Variants in TENM3 observed in about 807,000 individuals in gnomAD.
The protein encoded by TENM3 is teneurin-3.
A neutral mutation model predicts 255.1 loss-of-function variants in TENM3; 63 were observed. That is an observed-to-expected ratio of 0.25 (90% CI 0.20 to 0.30). TENM3 has a LOEUF of 0.30. Ranked by LOEUF, TENM3 falls within the 10% of genes least tolerant of loss-of-function variation. The pLI, the probability that TENM3 is intolerant of heterozygous loss-of-function variation, is 1.00. For synonymous variants in TENM3, 1,306 were observed against 1,322.3 expected, an observed-to-expected ratio of 0.99 and a Z score of 0.27; for missense variants, 2,929 against 3,461.1, an observed-to-expected ratio of 0.85 and a Z score of 3.86.
chr4:182,094,923 C>G, the TENM3 span, among the ~76,000 whole-genome samples: 1 of 145,132 alleles, frequency 6.9e-6, no homozygotes, highest in Non-Finnish European at 1.5e-5. Context: ...TAGATAATGT[C>G]TCACAGGAAA....
chr4:182,381,482 G>C (rs1181290170), intron 3 of TENM3, among the ~76,000 whole-genome samples: 1 of 152,130 alleles, frequency 6.6e-6, no homozygotes, highest in African/African-American at 2.4e-5. Context: ...TAGGGCCTGA[G>C]ATTTGAATAG....
At chr4:181,775,845 T>C in the TENM3 span, among the ~76,000 whole-genome samples, 2 of 152,196 alleles carry the variant, frequency 1.3e-5, no homozygotes, top group Non-Finnish European at 2.9e-5. Context: ...TTTTGTTATA[T>C]GCATAGGATT....
chr4:182,780,103 T>C (rs905335262), intron 24 of TENM3, among the ~76,000 whole-genome samples: 12 of 152,126 alleles, frequency 7.9e-5, no homozygotes, highest in South Asian at 2.1e-4. Flanking sequence ...CCATTGCTTT[T>C]GGTGTTTTAG....
chr4:181,548,979 C>G, the TENM3 span, among the ~76,000 whole-genome samples: 1 of 152,166 alleles, frequency 6.6e-6, no homozygotes. Context: ...GTAATCCTGT[C>G]AGCCTGGAAG....
At chr4:182,087,298 G>A in the TENM3 span, among the ~76,000 whole-genome samples, 1 of 152,168 alleles carries the variant, frequency 6.6e-6, no homozygotes, top group Non-Finnish European at 1.5e-5. Context: ...GTCTGTTTTT[G>A]TTCAGGGTTA....
At chr4:181,911,159 T>TGATC in the TENM3 span, among the ~76,000 whole-genome samples, 3 of 152,200 alleles carry the variant, frequency 2.0e-5, no homozygotes, top group Admixed American at 6.5e-5. Context: ...TCAGAACACA[T>TGATC]GATCGGTTAA....
At chr4:182,553,620 T>G (rs186598394) in intron 3 of TENM3, among the ~76,000 whole-genome samples, 68 of 152,308 alleles carry the variant, frequency 4.5e-4, no homozygotes, top group African/African-American at 1.6e-3. Flanking sequence ...TTAAAGAGTT[T>G]CCTATTCCTT....
intron 3 of TENM3, among the ~76,000 whole-genome samples, chr4:182,551,878 G>A (rs762578726): frequency 5.3e-5 from 8 of 151,742 alleles, no homozygotes; most frequent in Middle Eastern, 3.4e-3. Context: ...CTAGCCAGGC[G>A]TGGTAGTGCA....
At chr4:181,486,031 G>C in the TENM3 span, among the ~76,000 whole-genome samples, 3 of 151,156 alleles carry the variant, frequency 2.0e-5, no homozygotes, top group African/African-American at 7.3e-5. Flanking sequence ...AAAAAAACCT[G>C]CAATATGTGT....
At chr4:181,690,166 G>A in the TENM3 span, among the ~76,000 whole-genome samples, 1 of 152,160 alleles carries the variant, frequency 6.6e-6, no homozygotes, top group Non-Finnish European at 1.5e-5. Context: ...GGGGACTGAT[G>A]TGTCAGTCAT....
the TENM3 span, among the ~76,000 whole-genome samples, chr4:181,528,416 C>A: frequency 6.6e-6 from 1 of 152,122 alleles, no homozygotes; most frequent in African/African-American, 2.4e-5. Context: ...TTCGAGTGAA[C>A]AAAATTGAAG....
chr4:182,783,035 G>A (rs1765306930), intron 24 of TENM3, among the ~76,000 whole-genome samples: 1 of 149,326 alleles, frequency 6.7e-6, no homozygotes, highest in Admixed American at 6.7e-5. Context: ...TCTTTTAATT[G>A]GAGCATTTAG....
the TENM3 span, among the ~76,000 whole-genome samples, chr4:182,045,833 G>C: frequency 6.6e-6 from 1 of 152,184 alleles, no homozygotes; most frequent in Non-Finnish European, 1.5e-5. Context: ...ACAATCGCTG[G>C]AGCCCAGGAG....
intron 8 of TENM3, 110 bp downstream of exon 8, chr4:182,679,986 C>T (rs1756012686): frequency 1.0e-6 from 1 of 956,614 alleles, no homozygotes; most frequent in African/African-American, 1.7e-5. Context: ...GTGTTAAAGC[C>T]CAGGTAAAAT....
At chr4:181,850,460 A>G in the TENM3 span, among the ~76,000 whole-genome samples, 1 of 152,120 alleles carries the variant, frequency 6.6e-6, no homozygotes, top group Non-Finnish European at 1.5e-5. Context: ...ATTTGTTTGA[A>G]AAAGCCACAT....
At chr4:182,451,636 C>T (rs2151322561) in intron 3 of TENM3, among the ~76,000 whole-genome samples, 1 of 152,200 alleles carries the variant, frequency 6.6e-6, no homozygotes, top group Non-Finnish European at 1.5e-5. Flanking sequence ...TTAAAAGGGC[C>T]ACCAGAACAG....
the TENM3 span, among the ~76,000 whole-genome samples, chr4:181,858,463 A>G: frequency 6.6e-6 from 1 of 152,180 alleles, no homozygotes; most frequent in Admixed American, 6.5e-5. Context: ...AGCCATCGTT[A>G]TATCAACCAA....
At chr4:181,630,765 G>A in the TENM3 span, among the ~76,000 whole-genome samples, 1 of 152,124 alleles carries the variant, frequency 6.6e-6, no homozygotes, top group Non-Finnish European at 1.5e-5. Flanking sequence ...CATCTATGTG[G>A]TCAATTTTAG....
At chr4:181,772,115 C>T in the TENM3 span, among the ~76,000 whole-genome samples, 50 of 152,196 alleles carry the variant, frequency 3.3e-4, no homozygotes, top group African/African-American at 1.2e-3. Flanking sequence ...TGTGGTGGCT[C>T]ACGCCTGTAA....
Sources: allele counts gnomAD v4.1 joint callset (sites outside exome capture counted in the v4.1 genomes callset), GRCh38; gene constraint gnomAD v4.1.1; transcripts MANE v1.5; gene names NCBI Gene and HGNC (gene_info 2026-07-23, HGNC 2026-07-21).